Variants in DNTTIP1 observed in about 807,000 individuals in gnomAD.
DNTTIP1 encodes deoxynucleotidyltransferase terminal-interacting protein 1.
DNTTIP1 carries 22 observed loss-of-function variants against 52.9 expected under a neutral mutation model. The ratio of observed to expected loss-of-function variants is 0.42; its 90% CI spans 0.30 to 0.59. DNTTIP1 has a LOEUF of 0.59. Ranked by LOEUF, DNTTIP1 falls within the 20% of genes least tolerant of loss-of-function variation. The probability of loss-of-function intolerance (pLI) is 0.22; values close to 1 mark genes in which losing one functional copy is unlikely to be tolerated. For missense variants in DNTTIP1, 286 were observed against 435.5 expected (o/e 0.66, Z 3.06); for synonymous variants, 136 against 155.1 (o/e 0.88, Z 0.92).
chr20:45,794,564 T>C (rs564971296), intron 3 of DNTTIP1, among the ~76,000 whole-genome samples: 5 of 152,178 alleles, frequency 3.3e-5, no homozygotes, highest in African/African-American at 1.2e-4. Context: ...TGACCTCTTA[T>C]AAGGATGAAG....
chr20:45,792,593 G>T, intron 1 of DNTTIP1, 84 bp from the exon 2 acceptor site: 1 of 1,100,580 alleles, frequency 9.1e-7, no homozygotes, highest in South Asian at 1.6e-5. Flanking sequence ...GGGATGTCCA[G>T]GTTTAACTTC....
chr20:45,800,697 ATATATATATATATATATATATAT>A (rs1568707766), intron 4 of DNTTIP1, among the ~76,000 whole-genome samples: 159 of 5,842 alleles, frequency 0.027, 17 homozygotes, highest in Middle Eastern at 0.12. Context: ...AAAAAAAAAT[ATATATATATATATATATATATAT>A]ATATATATAT....
At chr20:45,806,593 G>C (rs80085028) in intron 10 of DNTTIP1, among the ~76,000 whole-genome samples, 1 of 152,234 alleles carries the variant, frequency 6.6e-6, no homozygotes, top group Non-Finnish European at 1.5e-5. Context: ...GCACTTATAC[G>C]TAAGGCTTGG....
intron 10 of DNTTIP1, among the ~76,000 whole-genome samples, 160 bp from the exon 11 acceptor site, chr20:45,808,954 T>G (rs1362089873): frequency 6.6e-6 from 1 of 152,192 alleles, no homozygotes; most frequent in Non-Finnish European, 1.5e-5. Context: ...CGGGGTTGGC[T>G]TAGCTTTCTC....
chr20:45,796,109 AAC>A (rs1981228763), intron 4 of DNTTIP1, among the ~76,000 whole-genome samples: 3 of 152,176 alleles, frequency 2.0e-5, no homozygotes, highest in Admixed American at 2.0e-4. Context: ...AAAGGGTACA[AAC>A]TTTTAGTTAT....
chr20:45,805,102 C>T, intron 8 of DNTTIP1, 44 bp from the exon 9 acceptor site: 1 of 1,547,874 alleles, frequency 6.5e-7, no homozygotes, highest in Non-Finnish European at 8.9e-7. Flanking sequence ...TCCTACCCAT[C>T]AGATTAAACT....
chr20:45,811,311 G>C lies in DNTTIP1; in HGVS notation c.*116G>C. 7.8e-7 allele frequency: 1 copy of C among 1,287,986 alleles called. No individual in the cohort carries two copies. Among genetic ancestry groups the C allele is most frequent in the Non-Finnish European group, 1.1e-6 (1 of 946,322 alleles). The allele number at this position is 1,287,986 out of a possible 1,614,324, so 79.8% of individuals were successfully genotyped here. The stretch of plus-strand genomic sequence containing the variant: ...ATCTCAGCGGCATTAAGCTGTGCCT[G>C]AGCGAGTTTGTAGTGACTCACTGCA... On this transcript the variant is annotated 3_prime_UTR_variant, in exon 13 of 13. Coordinates refer to ENST00000372622, the MANE Select transcript of DNTTIP1 (RefSeq NM_052951.3).
Position 45,792,352 on chromosome 20 carries a change from C to T in DNTTIP1, c.105+243C>T, listed in dbSNP as rs185799515. Among the ~76,000 whole-genome samples, 3 of 152,348 alleles carry T rather than the reference C, an allele frequency of 2.0e-5. No homozygotes were observed. The East Asian group carries it at 5.8e-4, about 29-fold the overall frequency. On this transcript the variant is annotated intron_variant, in intron 1 of 12. Coordinates refer to ENST00000372622, the MANE Select transcript of DNTTIP1 (RefSeq NM_052951.3). The stretch of plus-strand genomic sequence containing the variant: ...TAAAATGGAAATGATTAGTACCTGT[C>T]TCATAAAACTTGTTGTGGGATGGGA...
At chr20:45,797,438 A>G (rs1484827817) in intron 4 of DNTTIP1, among the ~76,000 whole-genome samples, 3 of 152,360 alleles carry the variant, frequency 2.0e-5, no homozygotes, top group East Asian at 1.9e-4. Flanking sequence ...CTTCATGACT[A>G]AAACACCAAA....
At chr20:45,794,956 G>A (rs1165678488) in intron 3 of DNTTIP1, among the ~76,000 whole-genome samples, 5 of 151,940 alleles carry the variant, frequency 3.3e-5, no homozygotes, top group Admixed American at 3.3e-4. Context: ...CCGCCACCAC[G>A]CCCAGCTAAT....
chr20:45,800,407 C>G (rs1459395972), intron 4 of DNTTIP1, among the ~76,000 whole-genome samples: 1 of 151,626 alleles, frequency 6.6e-6, no homozygotes, highest in East Asian at 1.9e-4. Context: ...GGCGTGGTGG[C>G]TCATGCCTGT....
At position 45,795,215 on chromosome 20, in the gene DNTTIP1, C is replaced by CA. The variant is rs1397688461; in HGVS notation, c.274-127dup. ...ATGTGAATCTAAATCTGGCTGATCC[C>CA]AAAGCCCTGCTCATAATCACTTTTC... On this transcript the variant is annotated intron_variant, in intron 3 of 12. Transcript: ENST00000372622. 8 of 546,412 alleles carry CA rather than the reference C, an allele frequency of 1.5e-5. No individual in the cohort carries two copies. In the African/African-American group the frequency reaches 1.5e-4, roughly 10 times the overall value. 33.8% of individuals were successfully genotyped at this position (546,412 alleles called of 1,614,324 possible).
chr20:45,807,438 T>G (rs1245406691), intron 10 of DNTTIP1, among the ~76,000 whole-genome samples: 2 of 152,148 alleles, frequency 1.3e-5, no homozygotes, highest in South Asian at 4.1e-4. Flanking sequence ...ACAAATTCTC[T>G]ATTAGTGATT....
At chr20:45,802,205 G>A in intron 7 of DNTTIP1, 148 bp downstream of exon 7, 1 of 870,530 alleles carries the variant, frequency 1.1e-6, no homozygotes, top group Non-Finnish European at 1.9e-6. Flanking sequence ...GGTTGGAGGG[G>A]TGAGGAAGGA....
In DNTTIP1 at chr20:45,805,158, C is replaced by T; in HGVS notation, c.616C>T (p.Arg206Cys). Residue 206 changes from arginine (R) to cysteine (C), a missense_variant, in exon 9 of 13, where the codon CGC becomes TGC. Arg to Cys is a radical substitution (Grantham distance 180). Around this residue, in one of 2 missense-constraint regions of DNTTIP1, gnomAD observed 78 missense variants for 169.0 expected, o/e 0.46. Coordinates refer to ENST00000372622, the MANE Select transcript of DNTTIP1 (RefSeq NM_052951.3). ...RREGPKWDPA[R>C]LNESTTFVLG... is the part of the protein sequence containing the mutation. Reference sequence around the variant, plus strand: ...ATTTTTTGCACAGTGGGACCCAGCTCGCCTGAATGAATCTACCACCTTTGT... The same window carrying T: ...ATTTTTTGCACAGTGGGACCCAGCTTGCCTGAATGAATCTACCACCTTTGT... 3.7e-6 allele frequency: 6 copies of T among 1,614,198 alleles called. No homozygotes were observed. Among genetic ancestry groups the T allele is most frequent in the Non-Finnish European group, 5.1e-6 (6 of 1,180,038 alleles).
At chr20:45,803,705 T>C (rs940256288) in intron 8 of DNTTIP1, among the ~76,000 whole-genome samples, 5 of 152,236 alleles carry the variant, frequency 3.3e-5, no homozygotes, top group Non-Finnish European at 7.3e-5. Flanking sequence ...TTAATCTTTA[T>C]AACAAACTTA....
rs766264284 is a variant in DNTTIP1, at chr20:45,801,056, TG to T, written c.373-16del. The T allele has an allele frequency of 2.1e-5, 34 of 1,612,144 alleles. No homozygotes were observed. Among genetic ancestry groups the T allele is most frequent in the Non-Finnish European group, 2.9e-5 (34 of 1,178,640 alleles). ...CACCAAAATAGTGACTGGTAACACTTGGTCTTTTTCCCTTCAGGCTAAACTG... is the reference window on the plus strand; with the variant it reads ...CACCAAAATAGTGACTGGTAACACTTGTCTTTTTCCCTTCAGGCTAAACTG... On this transcript the variant is annotated splice_polypyrimidine_tract_variant and intron_variant, in intron 4 of 12. Coordinates refer to ENST00000372622, the MANE Select transcript of DNTTIP1 (RefSeq NM_052951.3).
At chr20:45,797,421 G>A (rs890001422) in intron 4 of DNTTIP1, among the ~76,000 whole-genome samples, 5 of 152,172 alleles carry the variant, frequency 3.3e-5, no homozygotes, top group Admixed American at 3.3e-4. Context: ...ATAGGCATGG[G>A]CAAGGACTTC....
Position 45,801,175 on chromosome 20 carries a change from G to A in DNTTIP1, c.441+33G>A, listed in dbSNP as rs367687176. ...TCACTGTGTTCTCGGGTATTGGAGC[G>A]GGAGGTCCTTCAGGCTGGGAGGCAA... On this transcript the variant is annotated intron_variant, in intron 5 of 12. Transcript: ENST00000372622. 39 of 1,603,700 alleles carry A rather than the reference G, an allele frequency of 2.4e-5. No homozygotes were observed. In the Middle Eastern group the frequency reaches 5.0e-4, roughly 20 times the overall value.
Sources: gnomAD v4.1 joint callset for allele counts (sites outside exome capture counted in the v4.1 genomes callset) on GRCh38, gnomAD v4.1.1 for gene constraint, gnomAD v4.1.1 regional missense constraint, MANE v1.5 for transcripts, NCBI Gene and HGNC (gene_info 2026-07-23, HGNC 2026-07-21) for gene names.